Variants in ZNRF2 observed in about 807,000 individuals in gnomAD.
The protein encoded by ZNRF2 is E3 ubiquitin-protein ligase ZNRF2.
In ZNRF2, 16 loss-of-function variants were observed where a neutral mutation model predicts 20.4. The observed-to-expected ratio is 0.79, with a 90% confidence interval of 0.53 to 1.19. The LOEUF is 1.19. ZNRF2 is among the 50% of genes most tolerant of loss of function. ZNRF2 has a pLI of 0.00. For missense variants in ZNRF2, 363 were observed against 332.4 expected, an observed-to-expected ratio of 1.09 and a Z score of -0.72; for synonymous variants, 178 against 144.9, an observed-to-expected ratio of 1.23 and a Z score of -1.64.
At chr7:30,321,623 G>T (rs556063976) in intron 1 of ZNRF2, among the ~76,000 whole-genome samples, 1 of 152,172 alleles carries the variant, frequency 6.6e-6, no homozygotes, top group South Asian at 2.1e-4. Context: ...AGGCTTTTTA[G>T]GTTCACAGTA....
At chr7:30,327,076 G>T (rs1440203283) in intron 2 of ZNRF2, among the ~76,000 whole-genome samples, 2 of 152,096 alleles carry the variant, frequency 1.3e-5, no homozygotes, top group African/African-American at 2.4e-5. Context: ...CTCCCATTCT[G>T]TAGGTTGTCT....
rs188803859 is a variant in ZNRF2 at position 30,358,574 on chromosome 7, G to A, written c.671+2741G>A. 3.3e-4 allele frequency among the ~76,000 whole-genome samples: 51 copies of A among 152,292 alleles called. No individual in the cohort carries two copies. In the East Asian group the frequency reaches 9.4e-3, roughly 28 times the overall value. On this transcript the variant is annotated intron_variant, in intron 3 of 4. Coordinates refer to ENST00000323037, the MANE Select transcript of ZNRF2 (RefSeq NM_147128.4). ...GACAAGTTGCTGCCAAAACTGCATG[G>A]GAACCAATGAGTGAAGGGCCAAGAA...
At chr7:30,356,532 A>G (rs1470075321) in intron 3 of ZNRF2, among the ~76,000 whole-genome samples, 1 of 152,174 alleles carries the variant, frequency 6.6e-6, no homozygotes, top group East Asian at 1.9e-4. Flanking sequence ...ATTTGAACAT[A>G]AGTATACATA....
intron 3 of ZNRF2, among the ~76,000 whole-genome samples, chr7:30,356,339 A>T (rs1229480669): frequency 6.6e-6 from 1 of 152,000 alleles, no homozygotes; most frequent in East Asian, 1.9e-4. Context: ...TTTCAACCTG[A>T]TGAAAATACA....
At chr7:30,306,033 A>T (rs1005978031) in intron 1 of ZNRF2, among the ~76,000 whole-genome samples, 4 of 152,150 alleles carry the variant, frequency 2.6e-5, no homozygotes, top group African/African-American at 9.6e-5. Context: ...TAAACTCTCT[A>T]AGCCGCTCTT....
chr7:30,347,208 A>G (rs976132874), intron 2 of ZNRF2, among the ~76,000 whole-genome samples: 3 of 152,188 alleles, frequency 2.0e-5, no homozygotes, highest in Non-Finnish European at 2.9e-5. Context: ...CTCATTACCT[A>G]TGTCGGTCAT....
At chr7:30,340,092 T>C (rs1166861891) in intron 2 of ZNRF2, among the ~76,000 whole-genome samples, 1 of 152,208 alleles carries the variant, frequency 6.6e-6, no homozygotes, top group Admixed American at 6.5e-5. Context: ...TTTTGCACAT[T>C]GATTTTGTAT....
chr7:30,285,193 C>T lies in ZNRF2; in HGVS notation c.-165C>T. On this transcript the variant is annotated 5_prime_UTR_variant, in exon 1 of 5. Transcript: ENST00000323037. ...GCCCGCCGCCCCAAGAAGAGCGCGCCGGGCGCCGACTGCCCCTCTGGACGC... is the reference window on the plus strand; with the variant it reads ...GCCCGCCGCCCCAAGAAGAGCGCGCTGGGCGCCGACTGCCCCTCTGGACGC... 3 of 461,182 alleles carry T rather than the reference C, an allele frequency of 6.5e-6. No individual in the cohort carries two copies. The highest frequency in any genetic ancestry group is 3.9e-5 in the South Asian group (2 of 50,958). 28.6% of individuals were successfully genotyped at this position (461,182 alleles called of 1,614,324 possible). A position where few individuals can be genotyped will look rare whatever the true frequency, so the allele number is the denominator to read the frequency against.
At chr7:30,317,587 C>T (rs528445446) in intron 1 of ZNRF2, among the ~76,000 whole-genome samples, 1 of 152,260 alleles carries the variant, frequency 6.6e-6, no homozygotes, top group East Asian at 1.9e-4. Context: ...GTATTAGGCT[C>T]ATAGTGGGAA....
At chr7:30,318,897 A>AG (rs2128062151) in intron 1 of ZNRF2, among the ~76,000 whole-genome samples, 1 of 152,304 alleles carries the variant, frequency 6.6e-6, no homozygotes, top group South Asian at 2.1e-4. Context: ...GGATCACCTG[A>AG]GGTCAGGAGT....
chr7:30,287,718 A>G (rs1433702866), intron 1 of ZNRF2, among the ~76,000 whole-genome samples: 4 of 151,622 alleles, frequency 2.6e-5, no homozygotes, highest in African/African-American at 7.3e-5. Flanking sequence ...GTACAGTGAC[A>G]CTTTCTGAGG....
At chr7:30,346,170 A>ATTTTTTTTTTTTTTTTTTTTTTTTTT (rs70980598) in intron 2 of ZNRF2, among the ~76,000 whole-genome samples, 1 of 23,676 alleles carries the variant, frequency 4.2e-5, no homozygotes, top group African/African-American at 9.8e-5. Flanking sequence ...GTTAAGTCTG[A>ATTTTTTTTTTTTTTTTTTTTTTTTTT]TTTTTTTTTT....
intron 1 of ZNRF2, among the ~76,000 whole-genome samples, chr7:30,300,437 A>C (rs1312710744): frequency 6.6e-6 from 1 of 152,016 alleles, no homozygotes; most frequent in Non-Finnish European, 1.5e-5. Flanking sequence ...ATGAGCCACC[A>C]CACCCAGCCA....
intron 1 of ZNRF2, among the ~76,000 whole-genome samples, chr7:30,303,025 A>G (rs1449069000): frequency 6.6e-6 from 1 of 152,210 alleles, no homozygotes; most frequent in Non-Finnish European, 1.5e-5. Flanking sequence ...TCATGCCTGT[A>G]ATCCTAACAC....
chr7:30,331,837 A>G (rs765735551), intron 2 of ZNRF2, among the ~76,000 whole-genome samples: 2 of 152,224 alleles, frequency 1.3e-5, no homozygotes, highest in Non-Finnish European at 2.9e-5. Context: ...ATTTGTGTTA[A>G]CATTTCTAAA....
rs1169857690 is a variant in ZNRF2, at chr7:30,285,789, C to T, written c.432C>T (p.Gly144=). 8 of 1,522,016 alleles carry T rather than the reference C, an allele frequency of 5.3e-6. No individual in the cohort carries two copies. The highest frequency in any genetic ancestry group is 7.0e-6 in the Non-Finnish European group (8 of 1,144,242). The allele number at this position is 1,522,016 out of a possible 1,614,324, so 94.3% of individuals were successfully genotyped here. The change falls in exon 1 of 5, where the codon GGC becomes GGT. Residue 144 remains glycine, a synonymous_variant. Transcript: ENST00000323037. Reference sequence around the variant, plus strand: ...CCGGCGGGCCGCGCCTGGTGATCGGCTCCTTACCAGCTCACCTCTCGCCGC... The same window carrying T: ...CCGGCGGGCCGCGCCTGGTGATCGGTTCCTTACCAGCTCACCTCTCGCCGC... ...GSPGGPRLVI[G]SLPAHLSPHM... is the part of the protein sequence containing the mutation.
At chr7:30,305,855 C>T (rs527239667) in intron 1 of ZNRF2, among the ~76,000 whole-genome samples, 1 of 152,202 alleles carries the variant, frequency 6.6e-6, no homozygotes, top group South Asian at 2.1e-4. Flanking sequence ...ACTTGTGATT[C>T]TTATTACATT....
At chr7:30,320,672 A>C (rs1207350620) in intron 1 of ZNRF2, among the ~76,000 whole-genome samples, 1 of 152,204 alleles carries the variant, frequency 6.6e-6, no homozygotes, top group Non-Finnish European at 1.5e-5. Context: ...AGCCTAAGCT[A>C]CGATGTTTGG....
chr7:30,346,441 G>C (rs944537889), intron 2 of ZNRF2, among the ~76,000 whole-genome samples: 1 of 151,680 alleles, frequency 6.6e-6, no homozygotes, highest in African/African-American at 2.4e-5. Context: ...CGCCTGCCTC[G>C]GTCTCCCAAA....
Sources: allele counts gnomAD v4.1 joint callset (sites outside exome capture counted in the v4.1 genomes callset), GRCh38; gene constraint gnomAD v4.1.1; transcripts MANE v1.5; gene names NCBI Gene and HGNC (gene_info 2026-07-23, HGNC 2026-07-21).